CACNA2D1: variants seen among roughly 807,000 people sequenced by gnomAD.
CACNA2D1 encodes voltage-dependent calcium channel subunit alpha-2/delta-1.
Under a neutral mutation model 171.5 loss-of-function variants are expected in CACNA2D1, and 53 were observed. The ratio of observed to expected loss-of-function variants is 0.31; its 90% CI spans 0.25 to 0.39. The LOEUF (loss-of-function observed/expected upper bound fraction) is 0.39, where lower values mean the gene tolerates loss of function less well. CACNA2D1 is among the 10% of genes least tolerant of loss of function. The pLI is 1.00. For synonymous variants in CACNA2D1, 442 were observed against 443.1 expected (o/e 1.00, Z 0.03); for missense variants, 903 against 1,299.8 (o/e 0.69, Z 4.69).
At chr7:82,227,291 CAGAG>C (rs1226763015) in intron 3 of CACNA2D1, among the ~76,000 whole-genome samples, 2 of 152,072 alleles carry the variant, frequency 1.3e-5, no homozygotes, top group Non-Finnish European at 2.9e-5. Flanking sequence ...AAATGATTCA[CAGAG>C]AGCAGAAAAG....
Position 81,947,137 on chromosome 7 carries a change from G to A in CACNA2D1, c.*3255C>T, listed in dbSNP as rs1341587282. 2 of 151,846 alleles carry A rather than the reference G, an allele frequency of 1.3e-5. No homozygotes were observed. Among genetic ancestry groups the A allele is most frequent in the African/African-American group, 4.8e-5 (2 of 41,368 alleles). 9.4% of individuals were successfully genotyped at this position (151,846 alleles called of 1,614,324 possible). A position where few individuals can be genotyped will look rare whatever the true frequency, so the allele number is the denominator to read the frequency against. ...GTTTTAAATGAAGACAAAATCTTAAGCTTTGTTGGTCACAGACAAAGATTT... is the reference window on the plus strand; with the variant it reads ...GTTTTAAATGAAGACAAAATCTTAAACTTTGTTGGTCACAGACAAAGATTT... On this transcript the variant is annotated 3_prime_UTR_variant, in exon 39 of 39. Transcript: ENST00000356860.
intron 1 of CACNA2D1, among the ~76,000 whole-genome samples, chr7:82,432,469 T>G (rs2129458952): frequency 6.6e-6 from 1 of 152,336 alleles, no homozygotes; most frequent in Admixed American, 6.5e-5. Flanking sequence ...CTCAGTGAGG[T>G]TTAACCAAGG....
At position 82,289,027 on chromosome 7, in the gene CACNA2D1, C is replaced by T. The variant is rs149382329; in HGVS notation, c.294+46108G>A. On this transcript the variant is annotated intron_variant, in intron 3 of 38. Transcript: ENST00000356860. ...ACTACCTATCAGAAAGTCACCATGA[C>T]CACATAGTGCAAATATTTAGTTCCA... 7.4e-4 allele frequency among the ~76,000 whole-genome samples: 113 copies of T among 152,224 alleles called. No homozygotes were observed. In the East Asian group the frequency reaches 0.02, roughly 28 times the overall value.
chr7:82,372,577 A>G (rs1822530795), intron 1 of CACNA2D1, among the ~76,000 whole-genome samples: 1 of 152,060 alleles, frequency 6.6e-6, no homozygotes, highest in Admixed American at 6.6e-5. Context: ...GCAAAATCTA[A>G]TATTGTATAA....
chr7:82,001,675 C>T (rs973852139), intron 18 of CACNA2D1: 1 of 1,267,344 alleles, frequency 7.9e-7, no homozygotes, highest in Non-Finnish European at 1.0e-6. Context: ...ATTGGGTCTC[C>T]TTTTTCTTAA....
intron 1 of CACNA2D1, among the ~76,000 whole-genome samples, chr7:82,351,576 G>T (rs1262995392): frequency 6.6e-6 from 1 of 151,548 alleles, no homozygotes; most frequent in Non-Finnish European, 1.5e-5. Flanking sequence ...GTATGAACAG[G>T]ATAGAAAAAG....
At chr7:82,149,796 A>AC (rs1554432058) in intron 4 of CACNA2D1, among the ~76,000 whole-genome samples, 60 of 136,812 alleles carry the variant, frequency 4.4e-4, no homozygotes, top group African/African-American at 1.5e-3. Flanking sequence ...ACAAACAACA[A>AC]AAAAAAAAAC....
At position 82,366,282 on chromosome 7, in the gene CACNA2D1, G is replaced by T. The variant is rs1279169015; in HGVS notation, c.96-16633C>A. On this transcript the variant is annotated intron_variant, in intron 1 of 38. Transcript: ENST00000356860. ...TGCAGGTTTGTTATATGCGTATATT[G>T]TGTAATGCTGAATTCAGTCTAGGGT... is the stretch of plus-strand genomic sequence containing the variant. Among the ~76,000 whole-genome samples, 4 of 152,122 alleles carry T rather than the reference G, an allele frequency of 2.6e-5. No individual in the cohort carries two copies. The East Asian group carries it at 7.7e-4, about 29-fold the overall frequency.
At chr7:82,281,486 A>T (rs1810092914) in intron 3 of CACNA2D1, among the ~76,000 whole-genome samples, 1 of 152,062 alleles carries the variant, frequency 6.6e-6, no homozygotes, top group South Asian at 2.1e-4. Flanking sequence ...CTTACCAACT[A>T]ACTGTCATTC....
chr7:82,102,696 AAG>A (rs1201515364), intron 6 of CACNA2D1, among the ~76,000 whole-genome samples: 2 of 152,138 alleles, frequency 1.3e-5, no homozygotes, highest in Admixed American at 1.3e-4. Context: ...ATGGGGCAGA[AAG>A]AGAGTTCCAG....
intron 31 of CACNA2D1, among the ~76,000 whole-genome samples, chr7:81,966,673 A>G (rs1046244199): frequency 5.9e-5 from 9 of 151,454 alleles, no homozygotes; most frequent in Non-Finnish European, 8.9e-5. Flanking sequence ...AAGTGAAAGT[A>G]ATACAAGACA....
chr7:82,286,406 A>AAC (rs150045832), intron 3 of CACNA2D1, among the ~76,000 whole-genome samples: 1 of 152,106 alleles, frequency 6.6e-6, no homozygotes, highest in Admixed American at 6.6e-5. Context: ...TATTTACTAA[A>AAC]ACACACACAC....
intron 1 of CACNA2D1, among the ~76,000 whole-genome samples, chr7:82,374,443 A>C (rs1323806429): frequency 6.6e-6 from 1 of 152,154 alleles, no homozygotes; most frequent in Non-Finnish European, 1.5e-5. Flanking sequence ...AAATGTACAA[A>C]TGGATCAAGA....
chr7:82,087,989 C>A (rs576159709), intron 6 of CACNA2D1, among the ~76,000 whole-genome samples: 1 of 152,228 alleles, frequency 6.6e-6, no homozygotes, highest in African/African-American at 2.4e-5. Context: ...TCTCTCTTCC[C>A]TTGTCTCTAT....
chr7:82,270,530 T>C (rs1336412469), intron 3 of CACNA2D1, among the ~76,000 whole-genome samples: 1 of 152,252 alleles, frequency 6.6e-6, no homozygotes, highest in South Asian at 2.1e-4. Flanking sequence ...TTAAGGACTA[T>C]TGTGAATAAA....
chr7:82,100,172 G>A (rs953327297), intron 6 of CACNA2D1, among the ~76,000 whole-genome samples: 11 of 152,164 alleles, frequency 7.2e-5, no homozygotes, highest in African/African-American at 2.7e-4. Context: ...ACAGAAAAAA[G>A]TGAGTTTTTC....
At chr7:82,190,576 C>T (rs550543894) in intron 3 of CACNA2D1, among the ~76,000 whole-genome samples, 1 of 151,662 alleles carries the variant, frequency 6.6e-6, no homozygotes, top group Non-Finnish European at 1.5e-5. Context: ...TTGTTTACAC[C>T]ACCCTTACCC....
intron 4 of CACNA2D1, among the ~76,000 whole-genome samples, chr7:82,158,153 A>G (rs889394777): frequency 9.2e-5 from 14 of 151,986 alleles, no homozygotes; most frequent in African/African-American, 3.4e-4. Context: ...GAGAAATTAT[A>G]TTCTTGCTTT....
intron 4 of CACNA2D1, among the ~76,000 whole-genome samples, chr7:82,163,235 A>G (rs1010334314): frequency 3.3e-5 from 5 of 152,070 alleles, no homozygotes; most frequent in African/African-American, 1.2e-4. Flanking sequence ...CTCTATATTA[A>G]AATTATCATT....
Sources: gnomAD v4.1 joint callset for allele counts (sites outside exome capture counted in the v4.1 genomes callset) on GRCh38, gnomAD v4.1.1 for gene constraint, MANE v1.5 for transcripts, NCBI Gene and HGNC (gene_info 2026-07-23, HGNC 2026-07-21) for gene names.